XIRP2: variants seen among roughly 807,000 people sequenced by gnomAD.
XIRP2 encodes xin actin-binding repeat-containing protein 2.
XIRP2 carries 236 observed loss-of-function variants against 277.0 expected under a neutral mutation model. That is an observed-to-expected ratio of 0.85 (90% CI 0.77 to 0.95). The LOEUF is 0.95. XIRP2 is among the 40% of genes least tolerant of loss of function. The pLI is 0.00. For synonymous variants in XIRP2, 1,490 were observed against 1,416.5 expected (o/e 1.05, Z -1.17); for missense variants, 4,640 against 4,157.5 (o/e 1.12, Z -3.19).
At chr2:166,900,312 C>G (rs999139682) in intron 1 of XIRP2, among the ~76,000 whole-genome samples, 2 of 151,956 alleles carry the variant, frequency 1.3e-5, no homozygotes, top group African/African-American at 4.8e-5. Context: ...TACCTCAATT[C>G]TAGAATTTTA....
intron 3 of XIRP2, among the ~76,000 whole-genome samples, chr2:167,204,813 T>C (rs1411040062): frequency 6.6e-6 from 1 of 152,224 alleles, no homozygotes; most frequent in Non-Finnish European, 1.5e-5. Context: ...CGCATAAATT[T>C]TTTTTACTTT....
At chr2:167,082,200 G>GT in intron 2 of XIRP2, among the ~76,000 whole-genome samples, 1 of 151,246 alleles carries the variant, frequency 6.6e-6, no homozygotes, top group East Asian at 2.0e-4. Context: ...GCGGTGTTTG[G>GT]TTTTTTGTTC....
chr2:167,064,821 C>G (rs1185512079), intron 2 of XIRP2, among the ~76,000 whole-genome samples: 1 of 151,872 alleles, frequency 6.6e-6, no homozygotes, highest in Non-Finnish European at 1.5e-5. Context: ...CATGGTGTAG[C>G]ATGTCAGAAG....
At position 167,251,688 on chromosome 2, in the gene XIRP2, G is replaced by A; in HGVS notation, c.10296G>A (p.Ser3432=). 3.1e-6 allele frequency: 5 copies of A among 1,613,280 alleles called. No homozygotes were observed. The highest frequency in any genetic ancestry group is 4.2e-6 in the Non-Finnish European group (5 of 1,179,594). Residue 3432 remains serine (S), a synonymous_variant, in exon 9 of 11, where the codon TCG becomes TCA. Transcript: ENST00000409195. ...MDAFESQIVE[S]KMKTSSSHSS... ...CATTTGAGAGTCAAATTGTTGAGTC[G>A]AAGATGAAAACCTCTTCATCACATA...
chr2:167,127,221 A>G (rs1484088754), intron 2 of XIRP2, among the ~76,000 whole-genome samples: 4 of 152,186 alleles, frequency 2.6e-5, no homozygotes, highest in Non-Finnish European at 5.9e-5. Context: ...GTCAGCCACA[A>G]ATAGTTGTGC....
At chr2:167,135,236 T>C (rs567504913) in intron 2 of XIRP2, among the ~76,000 whole-genome samples, 9 of 152,134 alleles carry the variant, frequency 5.9e-5, no homozygotes, top group Non-Finnish European at 1.3e-4. Context: ...TTTGATTACA[T>C]TACTTGGCCT....
rs143459084 is a variant in XIRP2 at position 167,254,980 on chromosome 2, C to T, written c.*39+815C>T. The stretch of plus-strand genomic sequence containing the variant: ...TTTTTCTGACTTTAATTGACAATGT[C>T]GAACACCCTCATGGCAACATTTTTT... On this transcript the variant is annotated intron_variant, in intron 10 of 10. Coordinates refer to ENST00000409195, the MANE Select transcript of XIRP2 (RefSeq NM_152381.6). Among the ~76,000 whole-genome samples the T allele has an allele frequency of 1.5e-3, 227 of 150,468 alleles. 2 individuals carry two copies. Among genetic ancestry groups the T allele is most frequent in the African/African-American group, 5.1e-3 (211 of 41,010 alleles).
rs187782138 is a variant in XIRP2, at chr2:167,028,382, A to G, written c.409-107527A>G. ...TACTGAGAGACTCCATTTGTTGAGC[A>G]GAAACTAAGAGAAGAGAGCAAAAGT... On this transcript the variant is annotated intron_variant, in intron 2 of 10. Coordinates refer to ENST00000409195, the MANE Select transcript of XIRP2 (RefSeq NM_152381.6). 2.7e-3 allele frequency among the ~76,000 whole-genome samples: 418 copies of G among 152,158 alleles called. 2 individuals are homozygous for G. The highest frequency in any genetic ancestry group is 5.2e-3 in the Non-Finnish European group (354 of 67,998).
chr2:166,933,912 G>A (rs1685418428), intron 2 of XIRP2, among the ~76,000 whole-genome samples: 1 of 151,956 alleles, frequency 6.6e-6, no homozygotes, highest in Non-Finnish European at 1.5e-5. Context: ...CTATTCCAGT[G>A]TTGTTTTGAA....
intron 2 of XIRP2, among the ~76,000 whole-genome samples, chr2:167,097,871 T>A (rs1690366997): frequency 6.6e-6 from 1 of 152,234 alleles, no homozygotes; most frequent in African/African-American, 2.4e-5. Flanking sequence ...TGTTGAATAT[T>A]GGCCCCCACT....
intron 2 of XIRP2, among the ~76,000 whole-genome samples, chr2:167,051,199 A>G (rs186598248): frequency 9.7e-4 from 148 of 152,210 alleles, no homozygotes; most frequent in African/African-American, 3.3e-3. Context: ...CAGTGTCTTC[A>G]CACTAGACAG....
intron 1 of XIRP2, among the ~76,000 whole-genome samples, chr2:166,897,290 G>A (rs1684269198): frequency 6.6e-6 from 1 of 152,104 alleles, no homozygotes; most frequent in Non-Finnish European, 1.5e-5. Context: ...AGCACTCAGT[G>A]GCCCTACGGA....
intron 3 of XIRP2, among the ~76,000 whole-genome samples, chr2:167,143,821 G>GTATT (rs1328175020): frequency 6.6e-6 from 1 of 151,684 alleles, no homozygotes; most frequent in East Asian, 1.9e-4. Context: ...GAAACCCTGT[G>GTATT]TATTTCTAGA....
intron 2 of XIRP2, among the ~76,000 whole-genome samples, chr2:166,925,073 A>G (rs990253315): frequency 4.6e-5 from 7 of 151,980 alleles, no homozygotes; most frequent in Admixed American, 1.3e-4. Flanking sequence ...CTCTGTGTTA[A>G]AAGTATTTCA....
intron 1 of XIRP2, among the ~76,000 whole-genome samples, chr2:166,902,198 T>A (rs1207098832): frequency 6.6e-6 from 1 of 152,096 alleles, no homozygotes; most frequent in Admixed American, 6.6e-5. Flanking sequence ...ATCAATTTAG[T>A]GGGCAGCACA....
chr2:167,050,884 G>A (rs534997592), intron 2 of XIRP2, among the ~76,000 whole-genome samples: 3 of 151,840 alleles, frequency 2.0e-5, no homozygotes, highest in South Asian at 2.1e-4. Context: ...GATGCATAGC[G>A]CCTACTAAAG....
In XIRP2 at chr2:167,218,162, C is replaced by A; in HGVS notation, c.724-4C>A. 6.3e-7 allele frequency: 1 copy of A among 1,577,814 alleles called. No homozygotes were observed. The highest frequency in any genetic ancestry group is 8.6e-7 in the Non-Finnish European group (1 of 1,163,206). On this transcript the variant is annotated splice_polypyrimidine_tract_variant and splice_region_variant and intron_variant, in intron 4 of 10. Coordinates refer to ENST00000409195, the MANE Select transcript of XIRP2 (RefSeq NM_152381.6). Reference sequence around the variant, plus strand: ...GAATTTTCCTTTTTCTTAAATCATCCTAGATGATGGAAGAATCAGAAATGT... The same window carrying A: ...GAATTTTCCTTTTTCTTAAATCATCATAGATGATGGAAGAATCAGAAATGT...
At chr2:167,214,078 G>A (rs1694145280) in intron 4 of XIRP2, among the ~76,000 whole-genome samples, 2 of 119,890 alleles carry the variant, frequency 1.7e-5, no homozygotes, top group South Asian at 5.6e-4. Flanking sequence ...TAGAAAGGAA[G>A]GAAGGAAGAA....
At chr2:166,979,750 C>T (rs1440604116) in intron 2 of XIRP2, among the ~76,000 whole-genome samples, 2 of 152,088 alleles carry the variant, frequency 1.3e-5, no homozygotes, top group Non-Finnish European at 2.9e-5. Flanking sequence ...GGTTATGACG[C>T]ATTTGCCTTC....
Sources: allele counts gnomAD v4.1 joint callset (sites outside exome capture counted in the v4.1 genomes callset), GRCh38; gene constraint gnomAD v4.1.1; transcripts MANE v1.5; gene names NCBI Gene and HGNC (gene_info 2026-07-23, HGNC 2026-07-21).